Variants in ANTXR2 observed in about 807,000 individuals in gnomAD.
ANTXR2 encodes the protein anthrax toxin receptor 2.
A neutral mutation model predicts 73.7 loss-of-function variants in ANTXR2; 44 were observed. The ratio of observed to expected loss-of-function variants is 0.60; its 90% CI spans 0.47 to 0.77. The LOEUF is 0.77. Ranked by LOEUF, ANTXR2 falls within the 30% of genes least tolerant of loss-of-function variation. The pLI is 0.00. For missense variants in ANTXR2, 604 were observed against 592.5 expected (o/e 1.02, Z -0.20); for synonymous variants, 217 against 205.9 (o/e 1.05, Z -0.46).
chr4:79,937,877 C>A (rs1368694614), intron 16 of ANTXR2, among the ~76,000 whole-genome samples: 1 of 142,656 alleles, frequency 7.0e-6, no homozygotes, highest in Non-Finnish European at 1.5e-5. Flanking sequence ...GCGCACCGTG[C>A]ACGAGCCGAA....
chr4:80,031,802 ATATAT>A, intron 9 of ANTXR2, 110 bp from the exon 10 acceptor site: 1 of 515,398 alleles, frequency 1.9e-6, no homozygotes, highest in Non-Finnish European at 3.2e-6. Flanking sequence ...GGAATACTAG[ATATAT>A]TAACATAAAA....
chr4:79,933,783 G>T (rs1347376284), intron 16 of ANTXR2, among the ~76,000 whole-genome samples: 2 of 134,616 alleles, frequency 1.5e-5, no homozygotes, highest in Non-Finnish European at 3.1e-5. Flanking sequence ...CACCCAGGCT[G>T]GGGTGCAGTG....
In ANTXR2 at chr4:80,018,931, A is replaced by G; in HGVS notation, c.912T>C (p.Ile304=). 5 of 1,519,302 alleles carry G rather than the reference A, an allele frequency of 3.3e-6. No individual in the cohort carries two copies. Among genetic ancestry groups the G allele is most frequent in the Non-Finnish European group, 4.4e-6 (5 of 1,136,576 alleles). The allele number at this position is 1,519,302 out of a possible 1,614,324, so 94.1% of individuals were successfully genotyped here. A position where few individuals can be genotyped will look rare whatever the true frequency, so the allele number is the denominator to read the frequency against. ...TGGCTGTGACAATTAATGATCCTGA[A>G]ATGACAGATTTTCCTCCATTAAAGC... ...SVSFNGGKSV[I]SGSLIVTATE... is the part of the protein sequence containing the mutation. Residue 304 remains isoleucine, a synonymous_variant, in exon 11 of 17, where the codon ATT becomes ATC. Coordinates refer to ENST00000403729, the MANE Select transcript of ANTXR2 (RefSeq NM_058172.6).
In ANTXR2 at chr4:79,906,485, G is replaced by T. The variant is rs1481557849; in HGVS notation, c.*944C>A. ...AAGAGCCCTTGGAGACTTGAAGAAA[G>T]AAAAAACCCTGAGCGGAAGCTTTGT... On this transcript the variant is annotated 3_prime_UTR_variant, in exon 17 of 17. Coordinates refer to ENST00000403729, the MANE Select transcript of ANTXR2 (RefSeq NM_058172.6). The T allele has an allele frequency of 6.6e-6, 1 of 152,492 alleles. No individual in the cohort carries two copies. The highest frequency in any genetic ancestry group is 1.9e-4 in the East Asian group (1 of 5,176). 9.4% of individuals were successfully genotyped at this position (152,492 alleles called of 1,614,324 possible).
At chr4:79,981,425 T>C (rs1490406845) in intron 14 of ANTXR2, among the ~76,000 whole-genome samples, 1 of 152,234 alleles carries the variant, frequency 6.6e-6, no homozygotes, top group Non-Finnish European at 1.5e-5. Context: ...TATGCTTGTA[T>C]ATTACGTTTG....
At chr4:80,071,857 A>AAAG (rs368558915) in intron 1 of ANTXR2, among the ~76,000 whole-genome samples, 2 of 152,128 alleles carry the variant, frequency 1.3e-5, no homozygotes, top group African/African-American at 4.8e-5. Flanking sequence ...TCAAAAAAAA[A>AAAG]AAGAAGAAGA....
chr4:79,957,764 A>G (rs758115096), intron 16 of ANTXR2, among the ~76,000 whole-genome samples: 1 of 152,028 alleles, frequency 6.6e-6, no homozygotes, highest in African/African-American at 2.4e-5. Context: ...GTTAGTTGCA[A>G]TTTCACATTG....
At chr4:79,927,255 T>C (rs1420195565) in intron 16 of ANTXR2, among the ~76,000 whole-genome samples, 4 of 150,872 alleles carry the variant, frequency 2.7e-5, no homozygotes, top group African/African-American at 7.3e-5. Flanking sequence ...GTATCATATA[T>C]TGGAAATTAG....
At chr4:80,013,692 T>C (rs991269008) in intron 11 of ANTXR2, among the ~76,000 whole-genome samples, 1 of 152,200 alleles carries the variant, frequency 6.6e-6, no homozygotes, top group African/African-American at 2.4e-5. Context: ...TATTACCCAC[T>C]ATACTCTTCT....
rs190282403 is a variant in ANTXR2 at position 79,945,617 on chromosome 4, T to C, written c.1428+32004A>G. On this transcript the variant is annotated intron_variant, in intron 16 of 16. Transcript: ENST00000403729. ...AGTTGAAACCAAAATACATAGCTTT[T>C]GTTAGATACCTTTGTATCACAGCCA... 1.5e-4 allele frequency among the ~76,000 whole-genome samples: 23 copies of C among 152,278 alleles called. No homozygotes were observed. In the East Asian group the frequency reaches 4.4e-3, roughly 29 times the overall value.
chr4:80,023,993 A>AATG lies in ANTXR2; in HGVS notation c.867-5018_867-5017insCAT, dbSNP rs1294442198. Among the ~76,000 whole-genome samples the AATG allele has an allele frequency of 2.0e-5, 3 of 152,382 alleles. No individual in the cohort carries two copies. The East Asian group carries it at 5.8e-4, about 29-fold the overall frequency. Reference sequence around the variant, plus strand: ...ACAGTGTAAGGCAGGGGTCTGAAGAATAAATTTCAAAAGTAGAAAGACCAG... The same window carrying AATG: ...ACAGTGTAAGGCAGGGGTCTGAAGAAATGTAAATTTCAAAAGTAGAAAGACCAG... On this transcript the variant is annotated intron_variant, in intron 10 of 16. Coordinates refer to ENST00000403729, the MANE Select transcript of ANTXR2 (RefSeq NM_058172.6).
chr4:80,010,858 T>C (rs1276209746), intron 11 of ANTXR2, among the ~76,000 whole-genome samples: 1 of 152,000 alleles, frequency 6.6e-6, no homozygotes, highest in African/African-American at 2.4e-5. Context: ...CTTAAAAAAA[T>C]TAAAAATGGC....
chr4:79,986,354 C>T (rs1223785974), intron 12 of ANTXR2, among the ~76,000 whole-genome samples: 1 of 152,072 alleles, frequency 6.6e-6, no homozygotes, highest in Non-Finnish European at 1.5e-5. Context: ...AAAACAATAG[C>T]AACTTTGAAA....
At chr4:79,996,338 G>GATGGATGC (rs1302819959) in intron 12 of ANTXR2, among the ~76,000 whole-genome samples, 1 of 151,634 alleles carries the variant, frequency 6.6e-6, no homozygotes, top group East Asian at 1.9e-4. Flanking sequence ...TGGATGGATG[G>GATGGATGC]ATGGATGGAT....
rs925312947 is a variant in ANTXR2 at position 79,906,881 on chromosome 4, A to G, written c.*548T>C. 1.3e-5 allele frequency: 2 copies of G among 154,396 alleles called. No individual in the cohort carries two copies. The highest frequency in any genetic ancestry group is 4.8e-5 in the African/African-American group (2 of 41,474). The allele number at this position is 154,396 out of a possible 1,614,324, so 9.6% of individuals were successfully genotyped here. On this transcript the variant is annotated 3_prime_UTR_variant, in exon 17 of 17. Transcript: ENST00000403729. ...CAGTCAGAAACTTCCCATAAGGCAC[A>G]CTGTGATAGAGCACTTGGAAGGATT... is the stretch of plus-strand genomic sequence containing the variant.
intron 16 of ANTXR2, among the ~76,000 whole-genome samples, chr4:79,912,650 T>G (rs1727191605): frequency 6.6e-6 from 1 of 152,090 alleles, no homozygotes; most frequent in South Asian, 2.1e-4. Context: ...ACTTACATTC[T>G]TTGACTCAGT....
chr4:80,005,911 G>A (rs1007131072), intron 12 of ANTXR2, among the ~76,000 whole-genome samples: 2 of 152,072 alleles, frequency 1.3e-5, no homozygotes, highest in Non-Finnish European at 2.9e-5. Context: ...ACAAGACATA[G>A]GAGGTCCTCC....
intron 16 of ANTXR2, among the ~76,000 whole-genome samples, chr4:79,926,457 G>A (rs1209753002): frequency 2.0e-5 from 3 of 152,100 alleles, no homozygotes; most frequent in African/African-American, 7.2e-5. Flanking sequence ...GGAGGAAGAT[G>A]ATTGCCATAT....
rs1560426500 is a variant in ANTXR2, at chr4:80,055,821, A to T, written c.378+111T>A. On this transcript the variant is annotated intron_variant, in intron 4 of 16. Coordinates refer to ENST00000403729, the MANE Select transcript of ANTXR2 (RefSeq NM_058172.6). The stretch of plus-strand genomic sequence containing the variant: ...TCTGGAACAACTAAAAGCACTTTAA[A>T]AACTTTAAGATAAATATGTAATGAG... The T allele has an allele frequency of 3.4e-5, 28 of 823,060 alleles. No individual in the cohort carries two copies. The South Asian group carries it at 5.2e-4, about 15-fold the overall frequency. 51.0% of individuals were successfully genotyped at this position (823,060 alleles called of 1,614,324 possible).
Sources: gnomAD v4.1 joint callset for allele counts (sites outside exome capture counted in the v4.1 genomes callset) on GRCh38, gnomAD v4.1.1 for gene constraint, MANE v1.5 for transcripts, NCBI Gene and HGNC (gene_info 2026-07-23, HGNC 2026-07-21) for gene names.